DLG3: variants seen among roughly 807,000 people sequenced by gnomAD.
The protein encoded by DLG3 is disks large homolog 3.
Under a neutral mutation model 64.1 loss-of-function variants are expected in DLG3, and 1 was observed. The ratio of observed to expected loss-of-function variants is 0.02; its 90% CI spans 0.01 to 0.07. The LOEUF is 0.07. DLG3 is among the 10% of genes least tolerant of loss of function. DLG3 has a pLI of 1.00. For missense variants in DLG3, 429 were observed against 669.5 expected, an observed-to-expected ratio of 0.64 and a Z score of 3.96; for synonymous variants, 245 against 259.8, an observed-to-expected ratio of 0.94 and a Z score of 0.55.
Position 70,449,797 on chromosome X carries a change from T to C in DLG3, c.641T>C (p.Val214Ala). ...KEAGPVVRLV[V>A]RRRQPPPETI... Reference sequence around the variant, plus strand: ...GCAGGCCCTGTGGTGCGATTGGTGGTGCGGAGGCGACAGCCTCCACCCGAG... The same window carrying C: ...GCAGGCCCTGTGGTGCGATTGGTGGCGCGGAGGCGACAGCCTCCACCCGAG... The change falls in exon 4 of 19, where the codon GTG (valine) becomes GCG (alanine). Residue 214 changes from valine to alanine, a missense_variant. Physicochemically the swap from Val to Ala is moderately conservative, Grantham distance 64. Coordinates refer to ENST00000374360, the MANE Select transcript of DLG3 (RefSeq NM_021120.4). The C allele has an allele frequency of 8.3e-7, 1 of 1,203,210 alleles. No homozygotes were observed. The highest frequency in any genetic ancestry group is 3.0e-5 in the East Asian group (1 of 33,568).
chrX:70,446,380 G>A (rs890484196), intron 1 of DLG3, among the ~76,000 whole-genome samples: 32 of 106,099 alleles, frequency 3.0e-4, no homozygotes, highest in African/African-American at 1.0e-3. Context: ...TGAGAAGGAC[G>A]GACTCTTTTG....
intron 7 of DLG3, chrX:70,452,456 C>T: frequency 1.0e-6 from 1 of 974,100 alleles, no homozygotes. Flanking sequence ...GCAACGGCCC[C>T]GCCCCGCTGG....
At position 70,450,777 on chromosome X, in the gene DLG3, G is replaced by A. The variant is rs1602868677; in HGVS notation, c.979G>A (p.Ala327Thr). 3.3e-6 allele frequency: 4 copies of A among 1,209,935 alleles called. No individual in the cohort carries two copies. In the South Asian group the frequency reaches 5.3e-5, roughly 16 times the overall value. The change falls in exon 6 of 19, where the codon GCC (alanine) becomes ACC (threonine). Residue 327 changes from alanine (A) to threonine (T), a missense_variant. Coordinates refer to ENST00000374360, the MANE Select transcript of DLG3 (RefSeq NM_021120.4). ...LNDMYAPPDY[A>T]STFTALADNH... is the part of the protein sequence containing the mutation. ...CGACATGTACGCTCCCCCTGACTAC[G>A]CCAGCAGTACGTACTCATCAGCCCC...
Position 70,445,028 on chromosome X carries a change from C to T in DLG3, c.-174C>T, listed in dbSNP as rs2086550460. The T allele has an allele frequency of 6.9e-6, 2 of 291,738 alleles. No individual in the cohort carries two copies. Among genetic ancestry groups the T allele is most frequent in the South Asian group, 1.5e-4 (1 of 6,605 alleles). 24.0% of individuals were successfully genotyped at this position (291,738 alleles called of 1,213,427 possible). A position where few individuals can be genotyped will look rare whatever the true frequency, so the allele number is the denominator to read the frequency against. On this transcript the variant is annotated 5_prime_UTR_variant, in exon 1 of 19. Coordinates refer to ENST00000374360, the MANE Select transcript of DLG3 (RefSeq NM_021120.4). The stretch of plus-strand genomic sequence containing the variant: ...GGGGGCCGAGGCCCCGGGACGCCCG[C>T]CCGGCCCCAGGCCCCGCTCAGCCCG...
intron 9 of DLG3, among the ~76,000 whole-genome samples, chrX:70,472,536 C>G (rs759943577): frequency 9.0e-6 from 1 of 110,736 alleles, no homozygotes; most frequent in Non-Finnish European, 1.9e-5. Flanking sequence ...GCCTGGGTGA[C>G]AGAACGAGAC....
In DLG3 at chrX:70,479,002, C is replaced by T. The variant is rs1055909095; in HGVS notation, c.1406-148C>T. The T allele has an allele frequency of 6.0e-6, 3 of 495,879 alleles. No individual in the cohort carries two copies. The African/African-American group carries it at 7.0e-5, about 12-fold the overall frequency. 40.9% of individuals were successfully genotyped at this position (495,879 alleles called of 1,213,427 possible). ...GTCTTTCTGTGCTTAGGAGGAGGGA[C>T]TTTGCTTATCAAAGCAAAGACTGAG... is the stretch of plus-strand genomic sequence containing the variant. On this transcript the variant is annotated intron_variant, in intron 9 of 18. Transcript: ENST00000374360.
intron 9 of DLG3, 85 bp downstream of exon 9, chrX:70,454,401 A>G: frequency 3.7e-6 from 3 of 818,390 alleles, no homozygotes; most frequent in Non-Finnish European, 5.4e-6. Context: ...TAGGTAACAA[A>G]GCCACTTGAC....
intron 9 of DLG3, among the ~76,000 whole-genome samples, chrX:70,461,802 C>T (rs906480844): frequency 5.4e-5 from 6 of 111,253 alleles, no homozygotes; most frequent in South Asian, 7.7e-4. Flanking sequence ...TCAGGTGATC[C>T]GCCCGCCTCG....
rs1555963713 is a variant in DLG3 at position 70,460,300 on chromosome X, A to AAC, written c.1405+5985_1405+5986insCA. ...TCTGTCTCAAAAAAAAAAAAAAAAA[A>AAC]AAAAAAACTCCCAAATCTCAGCTTT... On this transcript the variant is annotated intron_variant, in intron 9 of 18. Transcript: ENST00000374360. 5.9e-4 allele frequency among the ~76,000 whole-genome samples: 59 copies of AAC among 100,636 alleles called. 1 individual carries two copies. Among genetic ancestry groups the AAC allele is most frequent in the African/African-American group, 1.7e-3 (45 of 26,963 alleles). The allele number at this position is 100,636 out of a possible 115,157, so 87.4% of individuals were successfully genotyped here. A position where few individuals can be genotyped will look rare whatever the true frequency, so the allele number is the denominator to read the frequency against.
chrX:70,496,071 C>T (rs1231753516), intron 13 of DLG3, among the ~76,000 whole-genome samples: 1 of 112,183 alleles, frequency 8.9e-6, no homozygotes, highest in Non-Finnish European at 1.9e-5. Context: ...AGGAAAACTC[C>T]AACCTCATTT....
At chrX:70,481,499 G>A (rs1356429525) in intron 10 of DLG3, among the ~76,000 whole-genome samples, 1 of 112,395 alleles carries the variant, frequency 8.9e-6, no homozygotes, top group African/African-American at 3.2e-5. Flanking sequence ...ACTAGGCAGT[G>A]TTTCCCCAAA....
chrX:70,502,521 T>G lies in DLG3; in HGVS notation c.*252T>G. ...CTGTGCCCATTCCTGCATGGACCTT[T>G]CCCAAGCGCTAGCACAGGTGCAAAA... On this transcript the variant is annotated 3_prime_UTR_variant, in exon 19 of 19. Coordinates refer to ENST00000374360, the MANE Select transcript of DLG3 (RefSeq NM_021120.4). The G allele has an allele frequency of 6.3e-6, 2 of 317,026 alleles. No individual in the cohort carries two copies. The highest frequency in any genetic ancestry group is 1.1e-5 in the Non-Finnish European group (2 of 178,218). The allele number at this position is 317,026 out of a possible 1,213,427, so 26.1% of individuals were successfully genotyped here. A position where few individuals can be genotyped will look rare whatever the true frequency, so the allele number is the denominator to read the frequency against.
chrX:70,468,932 G>A (rs1375486105), intron 9 of DLG3, among the ~76,000 whole-genome samples: 1 of 111,315 alleles, frequency 9.0e-6, no homozygotes, highest in African/African-American at 3.3e-5. Flanking sequence ...AGGGATCTTA[G>A]AAATTATCTA....
chrX:70,452,665 G>T, intron 7 of DLG3: 1 of 1,201,383 alleles, frequency 8.3e-7, no homozygotes, highest in Admixed American at 2.2e-5. Flanking sequence ...TTGGCCATGG[G>T]CTTGGGCTCC....
chrX:70,460,834 A>G (rs1019362338), intron 9 of DLG3, among the ~76,000 whole-genome samples: 1 of 111,955 alleles, frequency 8.9e-6, no homozygotes, highest in African/African-American at 3.2e-5. Context: ...CTAGATTCAT[A>G]TAATATGTGA....
chrX:70,496,252 A>T (rs948863477), intron 13 of DLG3, among the ~76,000 whole-genome samples: 6 of 112,332 alleles, frequency 5.3e-5, no homozygotes, highest in Admixed American at 2.8e-4. Context: ...GCCCATGGGG[A>T]TTGTTCAGGA....
chrX:70,501,017 T>G (rs2147893481), intron 18 of DLG3, 28 bp downstream of exon 18: 4 of 1,084,705 alleles, frequency 3.7e-6, no homozygotes, highest in African/African-American at 1.9e-5. Context: ...CTGCGGGGGG[T>G]TCTGGGGAAC....
rs2086589899 is a variant in DLG3, at chrX:70,448,699, G to A, written c.358-214G>A. The A allele has an allele frequency of 1.4e-5, 15 of 1,065,556 alleles. No homozygotes were observed. The South Asian group carries it at 2.6e-4, about 19-fold the overall frequency. The allele number at this position is 1,065,556 out of a possible 1,213,427, so 87.8% of individuals were successfully genotyped here. A position where few individuals can be genotyped will look rare whatever the true frequency, so the allele number is the denominator to read the frequency against. On this transcript the variant is annotated intron_variant, in intron 1 of 18. Transcript: ENST00000374360. The stretch of plus-strand genomic sequence containing the variant: ...CTGGGCTAAATGAGCAGCTTGGTTT[G>A]GGCTGATATGGTTGGAAGCAAAGCA...
At chrX:70,468,151 C>A (rs1291789261) in intron 9 of DLG3, among the ~76,000 whole-genome samples, 1 of 111,498 alleles carries the variant, frequency 9.0e-6, no homozygotes, top group Non-Finnish European at 1.9e-5. Flanking sequence ...CTCACTGCAA[C>A]CTCTGCCTCC....
Sources: allele counts gnomAD v4.1 joint callset (sites outside exome capture counted in the v4.1 genomes callset), GRCh38; gene constraint gnomAD v4.1.1; transcripts MANE v1.5; gene names NCBI Gene and HGNC (gene_info 2026-07-23, HGNC 2026-07-21).